TMEM132C: variants seen among roughly 807,000 people sequenced by gnomAD.
TMEM132C encodes the protein transmembrane protein 132C, also known as protein phosphatase 1, regulatory subunit 152.
TMEM132C carries 29 observed loss-of-function variants against 61.4 expected under a neutral mutation model. The observed-to-expected ratio is 0.47, with a 90% CI of 0.35 to 0.64. The LOEUF is 0.64. Ranked by LOEUF, TMEM132C falls within the 30% of genes least tolerant of loss-of-function variation. The pLI, the probability that TMEM132C is intolerant of heterozygous loss-of-function variation, is 0.00. For missense variants in TMEM132C, 1,408 were observed against 1,476.9 expected (o/e 0.95, Z 0.76); for synonymous variants, 656 against 633.1 (o/e 1.04, Z -0.54).
chr12:128,671,417 G>C (rs574091133), intron 5 of TMEM132C, among the ~76,000 whole-genome samples: 9 of 152,222 alleles, frequency 5.9e-5, no homozygotes, highest in African/African-American at 2.2e-4. Context: ...GAAGCATTTT[G>C]TCTCTCTCTG....
rs563304486 is a variant in TMEM132C, at chr12:128,425,346, G to A, written c.974+9726G>A. On this transcript the variant is annotated intron_variant, in intron 2 of 8. Transcript: ENST00000435159. ...CACTCACACATGTGCCCTGTTAAAG[G>A]GAGCAGCCACATGACAAGTCTCCTT... Among the ~76,000 whole-genome samples, 65 of 152,360 alleles carry A rather than the reference G, an allele frequency of 4.3e-4. 1 individual carries two copies. Among genetic ancestry groups the A allele is most frequent in the African/African-American group, 1.6e-3 (65 of 41,590 alleles).
intron 1 of TMEM132C, among the ~76,000 whole-genome samples, chr12:128,337,339 C>T (rs1872817025): frequency 6.6e-6 from 1 of 152,064 alleles, no homozygotes; most frequent in Non-Finnish European, 1.5e-5. Flanking sequence ...CTATTGTTCG[C>T]GGGGACTCGT....
At chr12:128,658,823 G>A (rs61940584) in intron 4 of TMEM132C, among the ~76,000 whole-genome samples, 2,131 of 152,316 alleles carry the variant, frequency 0.014, 21 homozygotes, top group Non-Finnish European at 0.022. Flanking sequence ...AAATTATCAA[G>A]ATGCAAATCT....
At chr12:128,371,122 G>A (rs1874016406) in intron 1 of TMEM132C, among the ~76,000 whole-genome samples, 1 of 152,098 alleles carries the variant, frequency 6.6e-6, no homozygotes, top group Admixed American at 6.5e-5. Flanking sequence ...AACATAGTAG[G>A]ATGGGATTTA....
chr12:128,688,057 G>T (rs1954691138), intron 5 of TMEM132C, among the ~76,000 whole-genome samples: 1 of 152,240 alleles, frequency 6.6e-6, no homozygotes, highest in African/African-American at 2.4e-5. Context: ...GGGATGGGAT[G>T]AGGAAACGTG....
intron 3 of TMEM132C, among the ~76,000 whole-genome samples, chr12:128,567,116 C>G (rs1874729364): frequency 6.6e-6 from 1 of 152,164 alleles, no homozygotes; most frequent in Non-Finnish European, 1.5e-5. Context: ...AACCCACTTT[C>G]AAGTTTTCCA....
intron 2 of TMEM132C, among the ~76,000 whole-genome samples, chr12:128,527,834 C>CA (rs1873143557): frequency 6.6e-6 from 1 of 152,118 alleles, no homozygotes; most frequent in South Asian, 2.1e-4. Flanking sequence ...ACTCTGTAGT[C>CA]AGAGTGCAGG....
At position 128,508,058 on chromosome 12, in the gene TMEM132C, G is replaced by C. The variant is rs181887341; in HGVS notation, c.975-35899G>C. Among the ~76,000 whole-genome samples the C allele has an allele frequency of 2.0e-3, 310 of 152,242 alleles. 1 individual carries two copies. The highest frequency in any genetic ancestry group is 0.01 in the Middle Eastern group (3 of 294). ...ACCTTGACACCCTTGGTTTGTCTGT[G>C]GGTGTGTTAGTCCGTTTTCATGCGG... On this transcript the variant is annotated intron_variant, in intron 2 of 8. Coordinates refer to ENST00000435159, the MANE Select transcript of TMEM132C (RefSeq NM_001136103.3).
At chr12:128,414,346 G>A (rs1422751450) in intron 1 of TMEM132C, among the ~76,000 whole-genome samples, 1 of 151,982 alleles carries the variant, frequency 6.6e-6, no homozygotes, top group Non-Finnish European at 1.5e-5. Context: ...TTCATTCATT[G>A]GCCTGTTTTG....
intron 2 of TMEM132C, among the ~76,000 whole-genome samples, chr12:128,466,929 G>A (rs1464172752): frequency 6.6e-6 from 1 of 152,174 alleles, no homozygotes. Flanking sequence ...CTGAGGGGAG[G>A]TATTTCTTCA....
At chr12:128,555,048 C>G (rs1373137565) in intron 3 of TMEM132C, among the ~76,000 whole-genome samples, 1 of 152,168 alleles carries the variant, frequency 6.6e-6, no homozygotes, top group Admixed American at 6.5e-5. Flanking sequence ...CATCCCCAAG[C>G]TCCTTAATTC....
Position 128,267,398 on chromosome 12 carries a change from G to T in TMEM132C, c.-5G>T, listed in dbSNP as rs1870342386. 8.5e-7 allele frequency: 1 copy of T among 1,175,662 alleles called. No homozygotes were observed. The highest frequency in any genetic ancestry group is 1.0e-6 in the Non-Finnish European group (1 of 953,266). The allele number at this position is 1,175,662 out of a possible 1,614,324, so 72.8% of individuals were successfully genotyped here. A position where few individuals can be genotyped will look rare whatever the true frequency, so the allele number is the denominator to read the frequency against. On this transcript the variant is annotated 5_prime_UTR_variant, in exon 1 of 9. Coordinates refer to ENST00000435159, the MANE Select transcript of TMEM132C (RefSeq NM_001136103.3). ...GGCGGGCTGCGTGAGCGGCCGGGAC[G>T]CAGGATGCGCTCCGAGGGTGCGGCC...
At chr12:128,560,772 C>A (rs1481186498) in intron 3 of TMEM132C, among the ~76,000 whole-genome samples, 2 of 152,184 alleles carry the variant, frequency 1.3e-5, no homozygotes, top group Non-Finnish European at 2.9e-5. Flanking sequence ...ACATGTATTG[C>A]TGAGTGAAAG....
intron 1 of TMEM132C, among the ~76,000 whole-genome samples, chr12:128,290,007 GATTGCGTGCCCTATCCT>G (rs937905809): frequency 5.3e-5 from 8 of 152,134 alleles, no homozygotes; most frequent in African/African-American, 1.9e-4. Context: ...GGAACCTCTG[GATTGCGTGCCCTATCCT>G]ATAATGTGAA....
intron 1 of TMEM132C, among the ~76,000 whole-genome samples, chr12:128,412,485 A>G (rs1868594814): frequency 6.6e-6 from 1 of 151,938 alleles, no homozygotes; most frequent in African/African-American, 2.4e-5. Flanking sequence ...AACAATCCAC[A>G]TGTTTCAAGG....
intron 2 of TMEM132C, among the ~76,000 whole-genome samples, chr12:128,475,289 C>G (rs1871121568): frequency 6.6e-6 from 1 of 152,122 alleles, no homozygotes; most frequent in African/African-American, 2.4e-5. Flanking sequence ...CATAAAAGGT[C>G]ACATATTGTA....
chr12:128,665,151 ACACT>A (rs1306581744), intron 4 of TMEM132C, among the ~76,000 whole-genome samples: 7 of 150,832 alleles, frequency 4.6e-5, no homozygotes, highest in African/African-American at 7.3e-5. Context: ...CCATATGCAC[ACACT>A]CACACATACA....
intron 2 of TMEM132C, among the ~76,000 whole-genome samples, chr12:128,418,471 C>T (rs933418941): frequency 6.6e-6 from 1 of 152,200 alleles, no homozygotes; most frequent in Non-Finnish European, 1.5e-5. Flanking sequence ...CCCTTAATCT[C>T]CCTCTTTCTC....
chr12:128,632,880 C>T (rs745783569), intron 4 of TMEM132C, among the ~76,000 whole-genome samples: 9 of 152,184 alleles, frequency 5.9e-5, no homozygotes, highest in Admixed American at 1.3e-4. Context: ...TTGGAGGTCC[C>T]CAAGACCCTT....
Sources: allele counts gnomAD v4.1 joint callset (sites outside exome capture counted in the v4.1 genomes callset), GRCh38; gene constraint gnomAD v4.1.1; transcripts MANE v1.5; gene names NCBI Gene and HGNC (gene_info 2026-07-23, HGNC 2026-07-21).